TRIM22: variants seen among roughly 807,000 people sequenced by gnomAD.
TRIM22 encodes tripartite motif containing 22.
In TRIM22, 45 loss-of-function variants were observed where a neutral mutation model predicts 53.6. That is an observed-to-expected ratio of 0.84 (90% CI 0.66 to 1.08). TRIM22 has a LOEUF of 1.08. Ranked by LOEUF, TRIM22 falls within the 50% of genes least tolerant of loss-of-function variation. The pLI is 0.00. For synonymous variants in TRIM22, 225 were observed against 216.6 expected (o/e 1.04, Z -0.34); for missense variants, 616 against 590.9 (o/e 1.04, Z -0.44).
intron 4 of TRIM22, among the ~76,000 whole-genome samples, chr11:5,703,621 G>A (rs557866861): frequency 2.6e-5 from 4 of 152,108 alleles, no homozygotes; most frequent in South Asian, 2.1e-4. Context: ...TCCTGACCTC[G>A]TGATCCGCCC....
chr11:5,700,605 T>TTTTTTTC (rs369811867), intron 4 of TRIM22, among the ~76,000 whole-genome samples: 1,651 of 92,724 alleles, frequency 0.018, 111 homozygotes, highest in South Asian at 0.029. Context: ...TTTTTTTTTT[T>TTTTTTTC]CAGATTTGTA....
chr11:5,708,980 A>G (rs1053802829), intron 7 of TRIM22, 73 bp from the exon 8 acceptor site: 22 of 1,196,324 alleles, frequency 1.8e-5, no homozygotes, highest in Non-Finnish European at 1.9e-5. Context: ...TTCATTTTCA[A>G]TATGTCTCTT....
intron 1 of TRIM22, 72 bp from the exon 2 acceptor site, chr11:5,696,095 T>C (rs1853254388): frequency 5.5e-6 from 4 of 732,644 alleles, no homozygotes; most frequent in Non-Finnish European, 8.9e-6. Context: ...TTTTGTCCTG[T>C]TCTAAATCTC....
intron 3 of TRIM22, 106 bp downstream of exon 3, chr11:5,697,449 G>A: frequency 1.3e-5 from 10 of 750,450 alleles, no homozygotes; most frequent in East Asian, 2.7e-5. Flanking sequence ...GAATTAACAA[G>A]CATAGAAGTC....
intron 3 of TRIM22, 26 bp from the exon 4 acceptor site, chr11:5,698,289 T>C: frequency 6.3e-7 from 1 of 1,599,082 alleles, no homozygotes. Context: ...CCAGACTGAC[T>C]GCCTCTTTCT....
chr11:5,703,914 T>C (rs1853416487), intron 4 of TRIM22, among the ~76,000 whole-genome samples: 1 of 152,042 alleles, frequency 6.6e-6, no homozygotes, highest in African/African-American at 2.4e-5. Context: ...GCTAATAACC[T>C]GAGAAATGCA....
chr11:5,699,392 C>A lies in TRIM22; in HGVS notation c.750+847C>A, dbSNP rs372141270. Among the ~76,000 whole-genome samples, 4 of 143,494 alleles carry A rather than the reference C, an allele frequency of 2.8e-5. 1 individual carries two copies. The highest frequency in any genetic ancestry group is 6.0e-5 in the Non-Finnish European group (4 of 66,838). 94.1% of individuals were successfully genotyped at this position (143,494 alleles called of 152,430 possible). A position where few individuals can be genotyped will look rare whatever the true frequency, so the allele number is the denominator to read the frequency against. On this transcript the variant is annotated intron_variant, in intron 4 of 7. Transcript: ENST00000379965. ...ACAAAAAATTAGCCGGGCGCGGTGG[C>A]GGGCGCCTGTAGTCCCAGCTACTCG... is the stretch of plus-strand genomic sequence containing the variant.
chr11:5,695,923 C>T (rs1853251950), intron 1 of TRIM22, among the ~76,000 whole-genome samples: 1 of 152,026 alleles, frequency 6.6e-6, no homozygotes, highest in African/African-American at 2.4e-5. Flanking sequence ...TTGTCCTCTC[C>T]AGTAGAAGAG....
At chr11:5,696,783 C>G (rs1313986237) in intron 2 of TRIM22, 128 bp downstream of exon 2, 32 of 1,006,982 alleles carry the variant, frequency 3.2e-5, no homozygotes, top group Non-Finnish European at 4.5e-5. Context: ...GATCTCTTTC[C>G]ATACTCTTTG....
intron 5 of TRIM22, among the ~76,000 whole-genome samples, chr11:5,707,464 A>G (rs570632288): frequency 6.6e-6 from 1 of 152,298 alleles, no homozygotes; most frequent in South Asian, 2.1e-4. Flanking sequence ...CTGAGATGGC[A>G]ATGACTTTTC....
chr11:5,697,622 A>C (rs1853289127), intron 3 of TRIM22: 1 of 353,718 alleles, frequency 2.8e-6, no homozygotes, highest in South Asian at 7.1e-5. Flanking sequence ...ATCAGGTTTG[A>C]GGCTCCAATC....
At chr11:5,701,945 CT>C (rs1012727594) in intron 4 of TRIM22, among the ~76,000 whole-genome samples, 162 of 151,590 alleles carry the variant, frequency 1.1e-3, no homozygotes, top group African/African-American at 3.7e-3. Flanking sequence ...TTGCTCTTTG[CT>C]TTTTTTTCCC....
intron 4 of TRIM22, among the ~76,000 whole-genome samples, chr11:5,700,783 C>A (rs1853362547): frequency 6.6e-6 from 1 of 151,704 alleles, no homozygotes; most frequent in Non-Finnish European, 1.5e-5. Context: ...ACCACCACAT[C>A]CAGCTAATTT....
intron 3 of TRIM22, chr11:5,698,043 G>C: frequency 2.6e-6 from 1 of 381,428 alleles, no homozygotes; most frequent in Non-Finnish European, 5.0e-6. Context: ...AAGTTGTTCA[G>C]GACAGGTGTC....
intron 1 of TRIM22, among the ~76,000 whole-genome samples, chr11:5,693,721 CAAAAA>C (rs60530986): frequency 6.9e-5 from 6 of 87,440 alleles, no homozygotes; most frequent in African/African-American, 2.3e-4. Context: ...GACTCCGTCT[CAAAAA>C]AAAAAAAAAA....
In TRIM22 at chr11:5,695,715, C is replaced by CAATATGTA. The variant is rs1295319859; in HGVS notation, c.-66-452_-66-451insAATATGTA. Among the ~76,000 whole-genome samples the CAATATGTA allele has an allele frequency of 3.3e-5, 5 of 152,120 alleles. No individual in the cohort carries two copies. In the East Asian group the frequency reaches 9.6e-4, roughly 29 times the overall value. ...ATGCTATGTAAATACAATTCAATAG[C>CAATATGTA]TTAAAAATATGCAAATATTCATGAA... On this transcript the variant is annotated intron_variant, in intron 1 of 7. Transcript: ENST00000379965.
chr11:5,692,228 A>G (rs1853184669), intron 1 of TRIM22, among the ~76,000 whole-genome samples: 1 of 152,224 alleles, frequency 6.6e-6, no homozygotes, highest in Non-Finnish European at 1.5e-5. Flanking sequence ...AAGGGCTGCA[A>G]TAGGATGTGG....
Position 5,709,093 on chromosome 11 carries a change from T to C in TRIM22, c.942T>C (p.Val314=), listed in dbSNP as rs1047848973. Residue 314 remains valine (V), a synonymous_variant, in exon 8 of 8, where the codon GTT becomes GTC. Coordinates refer to ENST00000379965, the MANE Select transcript of TRIM22 (RefSeq NM_006074.5). ...ATCCAGGCAGTGCCACTTCGAATGT[T>C]GCTATTTCTGTGGATCAGAGACAAG... is the stretch of plus-strand genomic sequence containing the variant. ...MLNPGSATSN[V]AISVDQRQVK... 17 of 1,613,958 alleles carry C rather than the reference T, an allele frequency of 1.1e-5. No homozygotes were observed. Among genetic ancestry groups the C allele is most frequent in the Middle Eastern group, 3.3e-4 (2 of 6,084 alleles).
chr11:5,700,330 G>A (rs1853350883), intron 4 of TRIM22, among the ~76,000 whole-genome samples: 1 of 152,058 alleles, frequency 6.6e-6, no homozygotes, highest in African/African-American at 2.4e-5. Flanking sequence ...GCCCAGGCTG[G>A]TCTCGAACTC....
Sources: gnomAD v4.1 joint callset for allele counts (sites outside exome capture counted in the v4.1 genomes callset) on GRCh38, gnomAD v4.1.1 for gene constraint, MANE v1.5 for transcripts, NCBI Gene and HGNC (gene_info 2026-07-23, HGNC 2026-07-21) for gene names.